The following MYO15B variants were observed in gnomAD, a reference collection of about 807,000 sequenced individuals.
MYO15B encodes myosin XVB pseudogene.
MYO15B carries 207 observed loss-of-function variants against 119.3 expected under a neutral mutation model. That is an observed-to-expected ratio of 1.73 (90% CI 1.55 to 1.95). The LOEUF is 1.95. Ranked by LOEUF, MYO15B falls within the 30% of genes most tolerant of loss-of-function variation. The probability of loss-of-function intolerance (pLI) is 0.00; values close to 1 mark genes in which losing one functional copy is unlikely to be tolerated. For synonymous variants in MYO15B, 966 were observed against 498.9 expected (o/e 1.94, Z -12.48); for missense variants, 2,264 against 1,203.1 (o/e 1.88, Z -13.04).
At chr17:75,621,874 G>T in intron 52 of MYO15B, 130 bp from the exon 53 acceptor site, 1 of 632,148 alleles carries the variant, frequency 1.6e-6, no homozygotes, top group Non-Finnish European at 2.9e-6. Flanking sequence ...CAGCTGCCCT[G>T]GCTGGCATCT....
At chr17:75,592,460 C>T (rs1023762094) in exon 8 of MYO15B, 6 of 613,408 alleles carry the variant, frequency 9.8e-6, no homozygotes, top group South Asian at 1.9e-5. Flanking sequence ...ATGTTTTTTA[C>T]AAGCTGCTGG....
intron 15 of MYO15B, 79 bp from the exon 16 acceptor site, chr17:75,602,438 C>T: frequency 1.4e-6 from 1 of 702,650 alleles, no homozygotes. Context: ...TTCTTCTCCT[C>T]CATATCCAGC....
intron 49 of MYO15B, 71 bp from the exon 50 acceptor site, chr17:75,620,960 T>C (rs928887706): frequency 1.4e-6 from 1 of 702,446 alleles, no homozygotes. Context: ...TGGGGAGGGA[T>C]GGGGCTGGGG....
chr17:75,620,649 G>A lies in MYO15B; in HGVS notation c.7725+13G>A, dbSNP rs1598911853. ...CAGGGCCTCAGAGGTGAGGAAGATG[G>A]GAGAGGGACAAGCAGAGGCAAGGCC... On this transcript the variant is annotated intron_variant, in intron 49 of 63. Coordinates refer to ENST00000645453, the Ensembl canonical transcript of MYO15B. The A allele has an allele frequency of 1.4e-6, 1 of 697,028 alleles. No individual in the cohort carries two copies. The highest frequency in any genetic ancestry group is 1.5e-5 in the South Asian group (1 of 67,438). The allele number at this position is 697,028 out of a possible 1,614,324, so 43.2% of individuals were successfully genotyped here. A position where few individuals can be genotyped will look rare whatever the true frequency, so the allele number is the denominator to read the frequency against.
exon 49 of MYO15B, chr17:75,620,628 G>C (rs2058652497): frequency 1.4e-6 from 1 of 699,824 alleles, no homozygotes; most frequent in African/African-American, 1.7e-5. Context: ...GTGGGACAGG[G>C]CCTCAGAGGT....
rs1403924249 is a variant in MYO15B at position 75,589,091 on chromosome 17, C to G, written c.1034C>G (p.Ala345Gly). Residue 345 changes from alanine (A) to glycine (G), a missense_variant, in exon 1 of 64, where the codon GCG (alanine) becomes GGG (glycine). Coordinates refer to ENST00000645453, the Ensembl canonical transcript of MYO15B. The surrounding 1 kb of genome is among the most constrained non-coding windows in gnomAD (Gnocchi z 4.2). ...CTCCTGGTGGTCCGCAGGCTCCTCGCGAGGCCCCCGCCAGGCGCCGCTTCC... is the reference window on the plus strand; with the variant it reads ...CTCCTGGTGGTCCGCAGGCTCCTCGGGAGGCCCCCGCCAGGCGCCGCTTCC... 6 of 393,740 alleles carry G rather than the reference C, an allele frequency of 1.5e-5. No individual in the cohort carries two copies. Among genetic ancestry groups the G allele is most frequent in the Non-Finnish European group, 2.7e-5 (6 of 222,992 alleles). The allele number at this position is 393,740 out of a possible 1,614,324, so 24.4% of individuals were successfully genotyped here.
At chr17:75,616,607 C>A in exon 39 of MYO15B, 1 of 703,078 alleles carries the variant, frequency 1.4e-6, no homozygotes, top group South Asian at 1.5e-5. Flanking sequence ...TGAGGCTGAG[C>A]CAGCCAAGGA....
At chr17:75,613,257 A>T in intron 27 of MYO15B, 36 bp from the exon 28 acceptor site, 1 of 671,414 alleles carries the variant, frequency 1.5e-6, no homozygotes, top group Non-Finnish European at 2.7e-6. Context: ...TCGCTGGATC[A>T]CCCTGCCTCC....
At chr17:75,587,945 C>T in exon 1 of MYO15B, 1 of 396,612 alleles carries the variant, frequency 2.5e-6, no homozygotes. Flanking sequence ...CCTGTAGCCC[C>T]TGCGAGAGCA....
rs1196350904 is a variant in MYO15B, at chr17:75,621,984, G to C, written c.8006-20G>C. The stretch of plus-strand genomic sequence containing the variant: ...CAGCACAGCCCCAGCTATGTGCCCT[G>C]TTTCTTATCGTGCCTGCAGCCCTGA... On this transcript the variant is annotated intron_variant, in intron 52 of 63. Coordinates refer to ENST00000645453, the Ensembl canonical transcript of MYO15B. 1 of 702,846 alleles carries C rather than the reference G, an allele frequency of 1.4e-6. No homozygotes were observed. 43.5% of individuals were successfully genotyped at this position (702,846 alleles called of 1,614,324 possible). A position where few individuals can be genotyped will look rare whatever the true frequency, so the allele number is the denominator to read the frequency against.
Position 75,626,296 on chromosome 17 carries a change from A to G in MYO15B, c.9213+68A>G, listed in dbSNP as rs111497906. The G allele has an allele frequency of 4.6e-3, 3,221 of 698,672 alleles. 43 individuals carry two copies. Among genetic ancestry groups the G allele is most frequent in the African/African-American group, 0.034 (1,957 of 57,228 alleles). The allele number at this position is 698,672 out of a possible 1,614,324, so 43.3% of individuals were successfully genotyped here. A position where few individuals can be genotyped will look rare whatever the true frequency, so the allele number is the denominator to read the frequency against. Reference sequence around the variant, plus strand: ...AGGGCCTTGCCCCAGCATGGCGTGCAGTGGGAGCCCAGGCCCAGGCCGATG... The same window carrying G: ...AGGGCCTTGCCCCAGCATGGCGTGCGGTGGGAGCCCAGGCCCAGGCCGATG... On this transcript the variant is annotated intron_variant, in intron 63 of 63. Coordinates refer to ENST00000645453, the Ensembl canonical transcript of MYO15B.
chr17:75,619,117 TG>T, intron 43 of MYO15B, 25 bp from the exon 44 acceptor site: 1 of 702,798 alleles, frequency 1.4e-6, no homozygotes, highest in South Asian at 1.5e-5. Context: ...CAGGACCTGG[TG>T]GTGACCACCT....
chr17:75,593,028 G>T, intron 9 of MYO15B, 188 bp downstream of exon 9: 3 of 547,862 alleles, frequency 5.5e-6, no homozygotes, highest in East Asian at 3.0e-5. Context: ...CAATGTCTGT[G>T]CCTCTAAGCT....
chr17:75,591,938 C>T (rs1179211453), intron 5 of MYO15B, 39 bp from the exon 6 acceptor site: 1 of 696,242 alleles, frequency 1.4e-6, no homozygotes, highest in South Asian at 1.5e-5. Context: ...GTGGGGGCTA[C>T]TGCTGCCCAG....
At chr17:75,625,887 G>A (rs2059021106) in exon 62 of MYO15B, 1 of 702,990 alleles carries the variant, frequency 1.4e-6, no homozygotes, top group South Asian at 1.5e-5. Flanking sequence ...CCGTCTATGG[G>A]GTGCTGCGAG....
At chr17:75,621,656 C>CT in intron 52 of MYO15B, 86 bp downstream of exon 52, 2 of 662,030 alleles carry the variant, frequency 3.0e-6, no homozygotes, top group Non-Finnish European at 5.6e-6. Flanking sequence ...TGAGCTCTGC[C>CT]TGGCTCTGTC....
Position 75,589,470 on chromosome 17 carries a change from CGA to C in MYO15B, c.1419_1420del (p.Gly474Ter), listed in dbSNP as rs1157756010. 17 of 392,962 alleles carry C rather than the reference CGA, an allele frequency of 4.3e-5. No individual in the cohort carries two copies. The highest frequency in any genetic ancestry group is 6.3e-5 in the Non-Finnish European group (14 of 223,950). 24.3% of individuals were successfully genotyped at this position (392,962 alleles called of 1,614,324 possible). Reference sequence around the variant, plus strand: ...GGAAAGCGGACGAGGGGCGGGGTCACGAGAGAGGTGACGAGGGCCGGGACCAC... The same window carrying C: ...GGAAAGCGGACGAGGGGCGGGGTCACGAGAGGTGACGAGGGCCGGGACCAC... On this transcript the variant is annotated frameshift_variant, in exon 1 of 64. Transcript: ENST00000645453. LOFTEE classifies it high-confidence loss of function. This position sits in a 1 kb window ranked among gnomAD's most constrained non-coding sequence, Gnocchi z 4.2.
At chr17:75,613,070 C>T (rs1009675661) in exon 27 of MYO15B, 27 of 702,254 alleles carry the variant, frequency 3.8e-5, no homozygotes, top group Non-Finnish European at 4.2e-5. Context: ...GCCAGGGCTG[C>T]GGAATGAGCT....
exon 1 of MYO15B, chr17:75,588,743 CCCTGGG>C: frequency 2.5e-6 from 1 of 398,906 alleles, no homozygotes; most frequent in Admixed American, 4.4e-5. Context: ...GGGACGGGGC[CCCTGGG>C]AGCCAGCGAG....
Sources: allele counts gnomAD v4.1 joint callset, GRCh38; gene constraint gnomAD v4.1.1; non-coding constraint Gnocchi (gnomAD v3.1); transcripts MANE v1.5; gene names NCBI Gene and HGNC (gene_info 2026-07-23, HGNC 2026-07-21).